The following IQGAP2 variants were observed in gnomAD, a reference collection of about 807,000 sequenced individuals.
IQGAP2 encodes IQ motif containing GTPase activating protein 2.
IQGAP2 carries 173 observed loss-of-function variants against 201.3 expected under a neutral mutation model. The ratio of observed to expected loss-of-function variants is 0.86; its 90% confidence interval spans 0.76 to 0.98. The LOEUF (loss-of-function observed/expected upper bound fraction) is 0.98. Among genes scored for constraint, IQGAP2 ranks in the 50% least tolerant of loss-of-function variants. The pLI is 0.00. For missense variants in IQGAP2, 1,687 were observed against 1,864.8 expected, an observed-to-expected ratio of 0.90 and a Z score of 1.76; for synonymous variants, 675 against 673.9, an observed-to-expected ratio of 1.00 and a Z score of -0.03.
At chr5:76,618,304 G>T in intron 13 of IQGAP2, 1 of 1,614,202 alleles carries the variant, frequency 6.2e-7, no homozygotes, top group South Asian at 1.1e-5. Context: ...GCAATGGCCA[G>T]GTTGGTGTAG....
chr5:76,541,424 A>G (rs568437231), intron 2 of IQGAP2, among the ~76,000 whole-genome samples: 4 of 152,170 alleles, frequency 2.6e-5, no homozygotes, highest in African/African-American at 9.7e-5. Flanking sequence ...TTGTTTATCT[A>G]TTCATCTGTT....
chr5:76,595,692 T>C (rs1442735934), intron 9 of IQGAP2, among the ~76,000 whole-genome samples: 11 of 150,010 alleles, frequency 7.3e-5, no homozygotes, highest in Admixed American at 2.0e-4. Context: ...GCCCAGGAGG[T>C]CGAGACTGCA....
chr5:76,667,291 C>A (rs1743867148), intron 22 of IQGAP2, among the ~76,000 whole-genome samples: 1 of 152,034 alleles, frequency 6.6e-6, no homozygotes, highest in African/African-American at 2.4e-5. Context: ...AAATTTCAAC[C>A]AATCATTATG....
chr5:76,586,949 A>G (rs1363908821), intron 5 of IQGAP2, among the ~76,000 whole-genome samples: 1 of 152,238 alleles, frequency 6.6e-6, no homozygotes, highest in Non-Finnish European at 1.5e-5. Flanking sequence ...CTATAGTAAC[A>G]GCTGTACTGC....
At chr5:76,500,498 A>C (rs138196653) in intron 2 of IQGAP2, among the ~76,000 whole-genome samples, 1 of 152,198 alleles carries the variant, frequency 6.6e-6, no homozygotes, top group Non-Finnish European at 1.5e-5. Context: ...TTTCTTTTTA[A>C]CTTAGATTTG....
intron 2 of IQGAP2, among the ~76,000 whole-genome samples, chr5:76,497,541 T>G (rs1757057817): frequency 6.6e-6 from 1 of 152,240 alleles, no homozygotes; most frequent in African/African-American, 2.4e-5. Context: ...TCATTTGTTT[T>G]CTAAATTGAA....
At chr5:76,659,090 C>T (rs890852691) in intron 21 of IQGAP2, among the ~76,000 whole-genome samples, 3 of 152,108 alleles carry the variant, frequency 2.0e-5, no homozygotes, top group Non-Finnish European at 4.4e-5. Flanking sequence ...ACACTTTGGT[C>T]TAGCTAAGTT....
At chr5:76,697,268 C>A (rs981619408) in intron 32 of IQGAP2, among the ~76,000 whole-genome samples, 1 of 152,056 alleles carries the variant, frequency 6.6e-6, no homozygotes, top group Non-Finnish European at 1.5e-5. Flanking sequence ...AAAGTTTGTT[C>A]TTTTCTTATT....
chr5:76,683,673 A>C, intron 29 of IQGAP2, 103 bp from the exon 30 acceptor site: 1 of 1,094,622 alleles, frequency 9.1e-7, no homozygotes, highest in South Asian at 1.9e-5. Flanking sequence ...TCTCCCATTT[A>C]ATTACCAAGC....
intron 21 of IQGAP2, among the ~76,000 whole-genome samples, chr5:76,664,442 T>C (rs1310095996): frequency 3.3e-5 from 5 of 152,216 alleles, no homozygotes; most frequent in African/African-American, 7.2e-5. Flanking sequence ...CCCAGCACTT[T>C]GGAAGGCCAA....
chr5:76,436,101 A>C (rs1001190634), intron 1 of IQGAP2, among the ~76,000 whole-genome samples: 1 of 152,108 alleles, frequency 6.6e-6, no homozygotes, highest in African/African-American at 2.4e-5. Context: ...GCATTTTTCA[A>C]ATCTAGAAGT....
intron 15 of IQGAP2, among the ~76,000 whole-genome samples, chr5:76,633,175 A>G (rs1056156025): frequency 9.2e-5 from 14 of 152,224 alleles, no homozygotes; most frequent in African/African-American, 3.4e-4. Context: ...TTGGGTGACT[A>G]TAGTCAAATC....
chr5:76,660,427 G>A (rs559257303), intron 21 of IQGAP2: 1 of 152,336 alleles, frequency 6.6e-6, no homozygotes, highest in East Asian at 1.9e-4. Flanking sequence ...AACTTTTAAA[G>A]TGTAATATAT....
chr5:76,468,288 G>A lies in IQGAP2; in HGVS notation c.146+6619G>A, dbSNP rs540681028. Among the ~76,000 whole-genome samples the A allele has an allele frequency of 3.3e-5, 5 of 152,226 alleles. No individual in the cohort carries two copies. In the South Asian group the frequency reaches 1.0e-3, roughly 32 times the overall value. On this transcript the variant is annotated intron_variant, in intron 2 of 35. Coordinates refer to ENST00000274364, the MANE Select transcript of IQGAP2 (RefSeq NM_006633.5). ...TGTTTGTTTTACAGATATTTATTGAGCATCCTTTATGTGTAAACAAGCCTA... is the reference window on the plus strand; with the variant it reads ...TGTTTGTTTTACAGATATTTATTGAACATCCTTTATGTGTAAACAAGCCTA...
rs1750648115 is a variant in IQGAP2, at chr5:76,403,858, G to T, written c.46+267G>T. On this transcript the variant is annotated intron_variant, in intron 1 of 35. Transcript: ENST00000274364. The surrounding 1 kb of genome is among the most constrained non-coding windows in gnomAD (Gnocchi z 4.8). The stretch of plus-strand genomic sequence containing the variant: ...AAACGGGGTGCGCGGGCAGTGCGGG[G>T]ATTGCGCTCTGGGACAGACCAGGTT... Among the ~76,000 whole-genome samples, 1 of 152,158 alleles carries T rather than the reference G, an allele frequency of 6.6e-6. No homozygotes were observed. The highest frequency in any genetic ancestry group is 2.4e-5 in the African/African-American group (1 of 41,442).
At chr5:76,656,544 A>G (rs1016421080) in intron 20 of IQGAP2, among the ~76,000 whole-genome samples, 7 of 152,112 alleles carry the variant, frequency 4.6e-5, no homozygotes. Context: ...TAACACTAAA[A>G]TATGTTTGCT....
intron 17 of IQGAP2, among the ~76,000 whole-genome samples, chr5:76,645,677 CA>C (rs1369285217): frequency 6.6e-6 from 1 of 151,508 alleles, no homozygotes; most frequent in African/African-American, 2.4e-5. Flanking sequence ...TATCCAGGAG[CA>C]AAAAAATTAT....
At chr5:76,610,331 G>T (rs972790691) in intron 12 of IQGAP2, among the ~76,000 whole-genome samples, 2 of 150,492 alleles carry the variant, frequency 1.3e-5, no homozygotes, top group Non-Finnish European at 3.0e-5. Context: ...CACATGAAAA[G>T]ATGCTCAAAA....
intron 28 of IQGAP2, among the ~76,000 whole-genome samples, chr5:76,680,842 C>T (rs1580805362): frequency 1.4e-5 from 2 of 144,772 alleles, no homozygotes; most frequent in Admixed American, 6.9e-5. Flanking sequence ...CAGTGGCTCA[C>T]ACCTGTAATC....
Sources: allele counts gnomAD v4.1 joint callset (sites outside exome capture counted in the v4.1 genomes callset), GRCh38; gene constraint gnomAD v4.1.1; non-coding constraint Gnocchi (gnomAD v3.1); transcripts MANE v1.5; gene names NCBI Gene and HGNC (gene_info 2026-07-23, HGNC 2026-07-21).